PDGFA: variants seen among roughly 807,000 people sequenced by gnomAD.
The protein encoded by PDGFA is platelet derived growth factor subunit A, also known as platelet-derived growth factor subunit A.
In PDGFA, 9 loss-of-function variants were observed where a neutral mutation model predicts 25.6. The observed-to-expected ratio is 0.35, with a 90% CI of 0.21 to 0.61. The LOEUF is 0.61. PDGFA is among the 20% of genes least tolerant of loss of function. PDGFA has a pLI of 0.75. For missense variants in PDGFA, 242 were observed against 272.8 expected, an observed-to-expected ratio of 0.89 and a Z score of 0.79; for synonymous variants, 133 against 111.8, an observed-to-expected ratio of 1.19 and a Z score of -1.20.
At chr7:511,161 T>G (rs1782812206) in intron 3 of PDGFA, among the ~76,000 whole-genome samples, 165 bp from the exon 4 acceptor site, 1 of 149,974 alleles carries the variant, frequency 6.7e-6, no homozygotes, top group African/African-American at 2.5e-5. Context: ...GCTTAGGGGC[T>G]GGGTGGGCAG....
intron 4 of PDGFA, among the ~76,000 whole-genome samples, chr7:507,446 A>T (rs1782609393): frequency 6.6e-6 from 1 of 152,186 alleles, no homozygotes; most frequent in South Asian, 2.1e-4. Flanking sequence ...TGCACTGGCC[A>T]GAGGGTGCTG....
chr7:501,281 T>C, intron 4 of PDGFA, 39 bp from the exon 5 acceptor site: 1 of 1,612,216 alleles, frequency 6.2e-7, no homozygotes, highest in Non-Finnish European at 8.5e-7. Flanking sequence ...AATGCCTGCA[T>C]GGAGCTTCGG....
intron 5 of PDGFA, among the ~76,000 whole-genome samples, chr7:499,344 C>A (rs2128388156): frequency 6.6e-6 from 1 of 152,376 alleles, no homozygotes; most frequent in Non-Finnish European, 1.5e-5. Flanking sequence ...TGGACCTCAC[C>A]CGCAGGCCCA....
At chr7:515,405 C>T (rs1783043368) in intron 2 of PDGFA, among the ~76,000 whole-genome samples, 1 of 152,282 alleles carries the variant, frequency 6.6e-6, no homozygotes, top group Non-Finnish European at 1.5e-5. Context: ...GAAGAAAAGA[C>T]ACCCCCTACA....
chr7:517,013 G>A lies in PDGFA; in HGVS notation c.160+381C>T, dbSNP rs1783134503. ...GCGCCTGCCCTTGGGGCCTCGCTCC[G>A]CGGGCTGCCCGCCCGGCGCACGGGC... On this transcript the variant is annotated intron_variant, in intron 2 of 5. Transcript: ENST00000402802. The surrounding 1 kb of genome is among the most constrained non-coding windows in gnomAD (Gnocchi z 7.4). 1.3e-5 allele frequency among the ~76,000 whole-genome samples: 2 copies of A among 151,242 alleles called. No individual in the cohort carries two copies. The highest frequency in any genetic ancestry group is 1.3e-4 in the Admixed American group (2 of 15,176).
rs979355439 is a variant in PDGFA, at chr7:500,756, C to T, written c.580+360G>A. ...AGCCAGCCAGGGCAACTGCAGTCCT[C>T]GAACCTGCTCCTCCCGCCCACCCTG... On this transcript the variant is annotated intron_variant, in intron 5 of 5. Coordinates refer to ENST00000402802, the Ensembl canonical transcript of PDGFA. This position sits in a 1 kb window ranked among gnomAD's most constrained non-coding sequence, Gnocchi z 5.0. The T allele has an allele frequency of 2.3e-5, 33 of 1,438,984 alleles. No individual in the cohort carries two copies. Among genetic ancestry groups the T allele is most frequent in the Middle Eastern group, 2.6e-4 (1 of 3,896 alleles). 89.1% of individuals were successfully genotyped at this position (1,438,984 alleles called of 1,614,324 possible).
At chr7:511,613 T>C (rs933387470) in intron 3 of PDGFA, among the ~76,000 whole-genome samples, 3 of 152,146 alleles carry the variant, frequency 2.0e-5, no homozygotes, top group Non-Finnish European at 4.4e-5. Flanking sequence ...TCCATCTTCA[T>C]GGAGGAAACC....
At chr7:516,343 T>C (rs1171909392) in intron 2 of PDGFA, among the ~76,000 whole-genome samples, 1 of 151,814 alleles carries the variant, frequency 6.6e-6, no homozygotes, top group Non-Finnish European at 1.5e-5. Flanking sequence ...CATAATTAGG[T>C]ACAAATTTCC....
At chr7:510,135 A>C (rs1782735081) in intron 4 of PDGFA, among the ~76,000 whole-genome samples, 1 of 152,146 alleles carries the variant, frequency 6.6e-6, no homozygotes, top group African/African-American at 2.4e-5. Flanking sequence ...CCGGCTAAGC[A>C]GCTCGACACC....
chr7:503,092 C>T (rs779823464), intron 4 of PDGFA, among the ~76,000 whole-genome samples: 4 of 152,168 alleles, frequency 2.6e-5, no homozygotes, highest in Non-Finnish European at 4.4e-5. Flanking sequence ...TCCTCCCAAC[C>T]ATGCTACAAG....
At chr7:499,226 C>T (rs1782218130) in intron 5 of PDGFA, among the ~76,000 whole-genome samples, 1 of 152,184 alleles carries the variant, frequency 6.6e-6, no homozygotes, top group African/African-American at 2.4e-5. Context: ...ACAAAACCAC[C>T]CACCAGGCCA....
chr7:501,927 T>C (rs1782358706), intron 4 of PDGFA, among the ~76,000 whole-genome samples: 1 of 152,128 alleles, frequency 6.6e-6, no homozygotes, highest in Non-Finnish European at 1.5e-5. Flanking sequence ...TGTTTTTAAA[T>C]ACATTTTAAA....
In PDGFA at chr7:512,945, C is replaced by T. The variant is rs1008767603; in HGVS notation, c.161-490G>A. ...GCTGAGATTTCTGCAGGTGCCTGTA[C>T]GTCTCCCTCCCTCCCCCTCACTAAA... is the stretch of plus-strand genomic sequence containing the variant. On this transcript the variant is annotated intron_variant, in intron 2 of 5. Coordinates refer to ENST00000402802, the Ensembl canonical transcript of PDGFA. The T allele has an allele frequency of 5.9e-5, 14 of 236,064 alleles. No individual in the cohort carries two copies. The East Asian group carries it at 9.5e-4, about 16-fold the overall frequency. The allele number at this position is 236,064 out of a possible 1,614,324, so 14.6% of individuals were successfully genotyped here. A position where few individuals can be genotyped will look rare whatever the true frequency, so the allele number is the denominator to read the frequency against.
intron 4 of PDGFA, among the ~76,000 whole-genome samples, chr7:509,733 C>T (rs1782715562): frequency 6.6e-6 from 1 of 152,182 alleles, no homozygotes; most frequent in Non-Finnish European, 1.5e-5. Context: ...ACGGCTCCAG[C>T]GGAGACACAG....
chr7:512,251 C>A, intron 3 of PDGFA, 100 bp downstream of exon 3: 1 of 1,119,398 alleles, frequency 8.9e-7, no homozygotes, highest in South Asian at 1.5e-5. Flanking sequence ...GCTGGGAGAG[C>A]GGGCAGCTCC....
At chr7:514,332 C>T (rs1054256152) in intron 2 of PDGFA, among the ~76,000 whole-genome samples, 3 of 152,192 alleles carry the variant, frequency 2.0e-5, no homozygotes, top group Non-Finnish European at 4.4e-5. Flanking sequence ...ACAGAGAAGA[C>T]GGCAGCCGTG....
chr7:520,272 C>T (rs1330077734), upstream of PDGFA: 16 of 189,790 alleles, frequency 8.4e-5, no homozygotes. Context: ...AGCCGGTCCC[C>T]GCCCCCGCCC....
chr7:504,889 G>A (rs570593372), intron 4 of PDGFA, among the ~76,000 whole-genome samples: 3 of 152,168 alleles, frequency 2.0e-5, no homozygotes, highest in Non-Finnish European at 4.4e-5. Flanking sequence ...GCCGGCCACC[G>A]CGGGCGCGTG....
At chr7:511,905 G>A (rs935380930) in intron 3 of PDGFA, among the ~76,000 whole-genome samples, 10 of 152,202 alleles carry the variant, frequency 6.6e-5, no homozygotes, top group African/African-American at 2.4e-4. Flanking sequence ...GGGTGTCGGG[G>A]GGCAGCCGCC....
Sources: gnomAD v4.1 joint callset for allele counts (sites outside exome capture counted in the v4.1 genomes callset) on GRCh38, gnomAD v4.1.1 for gene constraint, Gnocchi (gnomAD v3.1) non-coding constraint, MANE v1.5 for transcripts, NCBI Gene and HGNC (gene_info 2026-07-23, HGNC 2026-07-21) for gene names.